DAB1: variants seen among roughly 807,000 people sequenced by gnomAD.
DAB1 encodes the protein DAB adaptor protein 1, also known as disabled homolog 1.
A neutral mutation model predicts 64.6 loss-of-function variants in DAB1; 15 were observed. The observed-to-expected ratio is 0.23, with a 90% CI of 0.16 to 0.36. DAB1 has a LOEUF of 0.36. Ranked by LOEUF, DAB1 falls within the 10% of genes least tolerant of loss-of-function variation. The probability of loss-of-function intolerance (pLI) is 1.00; values close to 1 mark genes in which losing one functional copy is unlikely to be tolerated. For synonymous variants in DAB1, 235 were observed against 251.9 expected (o/e 0.93, Z 0.64); for missense variants, 596 against 706.7 (o/e 0.84, Z 1.78).
At chr1:58,210,994 C>T (rs955005219) in intron 4 of DAB1, among the ~76,000 whole-genome samples, 3 of 152,056 alleles carry the variant, frequency 2.0e-5, no homozygotes, top group African/African-American at 4.8e-5. Context: ...TTCTAGGTAA[C>T]GAGAACCGAT....
intron 3 of DAB1, among the ~76,000 whole-genome samples, chr1:58,411,564 C>G (rs560875194): frequency 6.6e-6 from 1 of 151,934 alleles, no homozygotes; most frequent in Non-Finnish European, 1.5e-5. Flanking sequence ...GACATTATAG[C>G]CAAAGAGGAG....
At chr1:58,162,829 C>T (rs1655613763) in intron 4 of DAB1, among the ~76,000 whole-genome samples, 1 of 152,178 alleles carries the variant, frequency 6.6e-6, no homozygotes, top group South Asian at 2.1e-4. Flanking sequence ...GGAATTGCAG[C>T]TGCCAAAGTG....
At chr1:57,286,127 C>T (rs1336231718) in intron 2 of DAB1, among the ~76,000 whole-genome samples, 4 of 152,274 alleles carry the variant, frequency 2.6e-5, no homozygotes, top group East Asian at 1.9e-4. Flanking sequence ...TTTCATAAAT[C>T]GCCTGCCTAG....
intron 7 of DAB1, among the ~76,000 whole-genome samples, chr1:57,480,130 C>A (rs1448167413): frequency 7.1e-6 from 1 of 141,478 alleles, no homozygotes; most frequent in Non-Finnish European, 1.5e-5. Context: ...CCAGCCTGGG[C>A]GACAGAGCGA....
intron 9 of DAB1, chr1:57,033,677 G>T: frequency 1.8e-6 from 2 of 1,121,562 alleles, no homozygotes; most frequent in Admixed American, 4.0e-5. Context: ...CACTTCCGTG[G>T]TCTCAGTAGG....
chr1:57,535,769 T>C (rs1286309815), intron 7 of DAB1, among the ~76,000 whole-genome samples: 1 of 152,196 alleles, frequency 6.6e-6, no homozygotes, highest in Non-Finnish European at 1.5e-5. Flanking sequence ...TTGTTGGACA[T>C]TCTTGATAAC....
intron 1 of DAB1, among the ~76,000 whole-genome samples, chr1:57,374,548 T>C (rs1015347857): frequency 6.6e-6 from 1 of 152,210 alleles, no homozygotes; most frequent in Non-Finnish European, 1.5e-5. Flanking sequence ...TTTATGGTTG[T>C]ATTATTTGGA....
At position 57,727,726 on chromosome 1, in the gene DAB1, C is replaced by CTCCTTCCTTCCTTCCTTCCTTCCTTCTT. The variant is rs1647240958; in HGVS notation, n.552-78062_552-78061insAAGAAGGAAGGAAGGAAGGAAGGAAGGA. ...CACCCTCTTCTGCTTCCTTCCTTCT[C>CTCCTTCCTTCCTTCCTTCCTTCCTTCTT]TCCTTCCTTCCTTCCTTCCTTCCTT... On this transcript the variant is annotated intron_variant and non_coding_transcript_variant, in intron 6 of 20. Coordinates refer to the DAB1 transcript ENST00000485760. Among the ~76,000 whole-genome samples, 7 of 137,124 alleles carry CTCCTTCCTTCCTTCCTTCCTTCCTTCTT rather than the reference C, an allele frequency of 5.1e-5. No individual in the cohort carries two copies. In the East Asian group the frequency reaches 1.6e-3, roughly 30 times the overall value. The allele number at this position is 137,124 out of a possible 152,430, so 90.0% of individuals were successfully genotyped here. A position where few individuals can be genotyped will look rare whatever the true frequency, so the allele number is the denominator to read the frequency against.
chr1:58,539,115 CCTGTCACA>C, intron 1 of DAB1: 1 of 872,944 alleles, frequency 1.1e-6, no homozygotes, highest in Non-Finnish European at 2.0e-6. Flanking sequence ...GAAAACTCCA[CCTGTCACA>C]CTGATTTACT....
intron 2 of DAB1, among the ~76,000 whole-genome samples, chr1:57,165,870 AAC>A (rs1661171322): frequency 6.6e-6 from 1 of 152,228 alleles, no homozygotes; most frequent in Non-Finnish European, 1.5e-5. Context: ...TACTGGAAGA[AAC>A]ACAGGTTAAG....
chr1:57,918,835 G>C (rs1417276197), intron 5 of DAB1, among the ~76,000 whole-genome samples: 1 of 151,646 alleles, frequency 6.6e-6, no homozygotes, highest in Non-Finnish European at 1.5e-5. Flanking sequence ...AAAAAAAAAA[G>C]AGAAAGGCAC....
At chr1:58,089,114 A>C (rs1650489000) in intron 5 of DAB1, among the ~76,000 whole-genome samples, 1 of 152,228 alleles carries the variant, frequency 6.6e-6, no homozygotes, top group African/African-American at 2.4e-5. Flanking sequence ...ATTTGTGAAA[A>C]TCCATGCCAT....
intron 2 of DAB1, among the ~76,000 whole-genome samples, chr1:58,518,774 G>T (rs1233634127): frequency 6.6e-6 from 1 of 152,158 alleles, no homozygotes; most frequent in Non-Finnish European, 1.5e-5. Flanking sequence ...CTGGGTTTGA[G>T]ATAATGTATC....
At chr1:57,454,482 C>A (rs1686504904) in intron 7 of DAB1, among the ~76,000 whole-genome samples, 1 of 151,912 alleles carries the variant, frequency 6.6e-6, no homozygotes, top group African/African-American at 2.4e-5. Context: ...AAGAAATGAA[C>A]AACAGACCCC....
chr1:58,305,474 C>A (rs1662284129), intron 4 of DAB1, among the ~76,000 whole-genome samples: 1 of 152,094 alleles, frequency 6.6e-6, no homozygotes, highest in Non-Finnish European at 1.5e-5. Flanking sequence ...GTTTTTTCTA[C>A]ACTATTACAT....
chr1:57,990,520 T>A (rs1285618683), intron 5 of DAB1, among the ~76,000 whole-genome samples: 1 of 152,174 alleles, frequency 6.6e-6, no homozygotes, highest in Non-Finnish European at 1.5e-5. Context: ...CTCAGAGAGG[T>A]TAATCCACCC....
chr1:58,356,147 C>A (rs557602384), intron 3 of DAB1, among the ~76,000 whole-genome samples: 2 of 152,210 alleles, frequency 1.3e-5, no homozygotes, highest in African/African-American at 2.4e-5. Context: ...AGTCCTCAAA[C>A]TAGCGTCTGC....
intron 1 of DAB1, among the ~76,000 whole-genome samples, chr1:58,543,820 G>A (rs1166600359): frequency 1.3e-5 from 2 of 152,262 alleles, no homozygotes; most frequent in South Asian, 2.1e-4. Flanking sequence ...GTCTAAAGAA[G>A]CACCATACAA....
intron 6 of DAB1, among the ~76,000 whole-genome samples, chr1:57,815,194 G>T (rs1158676804): frequency 6.6e-6 from 1 of 151,850 alleles, no homozygotes; most frequent in Admixed American, 6.6e-5. Context: ...TCAGCCTCCA[G>T]AGCAGCTTGG....
Sources: allele counts gnomAD v4.1 joint callset (sites outside exome capture counted in the v4.1 genomes callset), GRCh38; gene constraint gnomAD v4.1.1; transcripts MANE v1.5; gene names NCBI Gene and HGNC (gene_info 2026-07-23, HGNC 2026-07-21).